BPI: variants seen among roughly 807,000 people sequenced by gnomAD.
The protein encoded by BPI is bactericidal permeability-increasing protein.
A neutral mutation model predicts 57.6 loss-of-function variants in BPI; 48 were observed. That is an observed-to-expected ratio of 0.83 (90% confidence interval 0.66 to 1.06). The LOEUF (loss-of-function observed/expected upper bound fraction) is 1.06. Among genes scored for constraint, BPI ranks in the 50% least tolerant of loss-of-function variants. The pLI is 0.00. For synonymous variants in BPI, 237 were observed against 238.2 expected (o/e 0.99, Z 0.05); for missense variants, 651 against 609.7 (o/e 1.07, Z -0.71).
In BPI at chr20:38,331,656, C is replaced by T. The variant is rs1333721663; in HGVS notation, c.1272+566C>T. Among the ~76,000 whole-genome samples the T allele has an allele frequency of 2.6e-5, 4 of 151,888 alleles. No individual in the cohort carries two copies. In the East Asian group the frequency reaches 5.8e-4, roughly 22 times the overall value. ...GTTAGGACTTCAAGACCAGCCTGGG[C>T]AACATAGCAAGACCTCATCTCTTAT... is the stretch of plus-strand genomic sequence containing the variant. On this transcript the variant is annotated intron_variant, in intron 12 of 14. Transcript: ENST00000642449.
At chr20:38,317,019 C>T (rs535939218) in intron 5 of BPI, among the ~76,000 whole-genome samples, 7 of 152,178 alleles carry the variant, frequency 4.6e-5, no homozygotes, top group Non-Finnish European at 8.8e-5. Context: ...AAGTGGAAGG[C>T]CTTGGTCACA....
chr20:38,326,431 T>C lies in BPI; in HGVS notation c.1160T>C (p.Met387Thr), dbSNP rs770649314. 9.9e-6 allele frequency: 16 copies of C among 1,612,596 alleles called. No individual in the cohort carries two copies. In the African/African-American group the frequency reaches 2.0e-4, roughly 20 times the overall value. Residue 387 changes from methionine (M) to threonine (T), a missense_variant and splice_region_variant, in exon 10 of 15, where the codon ATG becomes ACG. Physicochemically the swap from Met to Thr is moderately conservative, Grantham distance 81. Coordinates refer to ENST00000642449, the MANE Select transcript of BPI (RefSeq NM_001725.3). The part of the protein sequence containing the change: ...SSLASLFLIG[M>T]HTTGSMEVSA... ...CTGGCTTCCCTCTTCCTGATTGGCA[T>C]GGTAAGCAGTTCCTGGGTTGGACAG...
intron 10 of BPI, among the ~76,000 whole-genome samples, chr20:38,327,148 G>T (rs1185291420): frequency 1.3e-5 from 2 of 152,158 alleles, no homozygotes; most frequent in African/African-American, 4.8e-5. Flanking sequence ...GCCTTAGGCA[G>T]GTCTACTGGG....
chr20:38,304,386 C>T, intron 1 of BPI, 33 bp downstream of exon 1: 1 of 1,606,768 alleles, frequency 6.2e-7, no homozygotes, highest in Non-Finnish European at 8.5e-7. Flanking sequence ...TCCTCTCCAC[C>T]CCTGAGGAGC....
At chr20:38,317,543 C>T (rs183136341) in intron 5 of BPI, 45 of 658,406 alleles carry the variant, frequency 6.8e-5, no homozygotes, top group African/African-American at 5.8e-4. Context: ...TTGGGCTTCT[C>T]GTAGCATTGA....
intron 14 of BPI, among the ~76,000 whole-genome samples, chr20:38,336,873 G>A (rs1411783994): frequency 6.6e-6 from 1 of 152,136 alleles, no homozygotes; most frequent in Non-Finnish European, 1.5e-5. Context: ...CATGAGGCAG[G>A]GACGACAAAT....
At chr20:38,329,182 A>C (rs6014744) in intron 11 of BPI, among the ~76,000 whole-genome samples, 69,890 of 151,460 alleles carry the variant, frequency 0.46, 16,443 homozygotes, top group Middle Eastern at 0.51. Context: ...AAGGTAGAGA[A>C]AGAGGGAGAC....
At chr20:38,331,167 G>A in intron 12 of BPI, 77 bp downstream of exon 12, 3 of 1,496,970 alleles carry the variant, frequency 2.0e-6, no homozygotes, top group Non-Finnish European at 9.3e-7. Flanking sequence ...TAGGCTCAAG[G>A]CATTATTTAA....
Position 38,323,266 on chromosome 20 carries a change from G to A in BPI, c.757-604G>A, listed in dbSNP as rs926379510. On this transcript the variant is annotated intron_variant, in intron 7 of 14. Transcript: ENST00000642449. The stretch of plus-strand genomic sequence containing the variant: ...ATCCATCTATAATTTGGTTTTTTAA[G>A]CTCAACATTTATTTGCTAAATAAAT... 9.2e-5 allele frequency among the ~76,000 whole-genome samples: 14 copies of A among 152,112 alleles called. No homozygotes were observed. The East Asian group carries it at 2.3e-3, about 25-fold the overall frequency.
At chr20:38,313,978 T>C (rs2076635219) in intron 5 of BPI, among the ~76,000 whole-genome samples, 2 of 144,778 alleles carry the variant, frequency 1.4e-5, no homozygotes, top group Admixed American at 6.8e-5. Flanking sequence ...GATAGTGAGG[T>C]TGATGGTGAT....
chr20:38,332,173 G>A (rs1054993985), intron 12 of BPI, among the ~76,000 whole-genome samples: 1 of 152,224 alleles, frequency 6.6e-6, no homozygotes, highest in Non-Finnish European at 1.5e-5. Context: ...GGGTCTTCCG[G>A]GCTGAGCTAG....
At chr20:38,314,657 G>C (rs1285469414) in intron 5 of BPI, among the ~76,000 whole-genome samples, 4 of 146,444 alleles carry the variant, frequency 2.7e-5, no homozygotes, top group Non-Finnish European at 6.0e-5. Flanking sequence ...TGGTGGGGAT[G>C]ATGATAATGA....
At chr20:38,312,832 AG>A (rs1346884637) in intron 5 of BPI, among the ~76,000 whole-genome samples, 1 of 152,270 alleles carries the variant, frequency 6.6e-6, no homozygotes, top group East Asian at 1.9e-4. Flanking sequence ...AAGCTTAAAA[AG>A]CAAGAAGTCA....
chr20:38,314,037 G>A (rs1415154043), intron 5 of BPI, among the ~76,000 whole-genome samples: 1 of 150,972 alleles, frequency 6.6e-6, no homozygotes, highest in African/African-American at 2.5e-5. Flanking sequence ...TGAGGATGGT[G>A]ATGGTGATGG....
At position 38,324,833 on chromosome 20, in the gene BPI, G is replaced by A. The variant is rs1241299940; in HGVS notation, c.993G>A (p.Glu331=). Residue 331 remains glutamate, a splice_region_variant and synonymous_variant, in exon 9 of 15, where the codon GAG becomes GAA. Transcript: ENST00000642449. The part of the protein sequence containing the change: ...TTKFFGTFLP[E]VAKKFPNMKI... Reference sequence around the variant, plus strand: ...AGTTCTTTGGAACCTTCCTACCTGAGGTATGGAAGACCTTGCTTTCCTTTA... The same window carrying A: ...AGTTCTTTGGAACCTTCCTACCTGAAGTATGGAAGACCTTGCTTTCCTTTA... The A allele has an allele frequency of 2.5e-6, 4 of 1,611,100 alleles. No homozygotes were observed. In the African/African-American group the frequency reaches 4.0e-5, roughly 16 times the overall value.
chr20:38,314,341 T>A (rs915875525), intron 5 of BPI, among the ~76,000 whole-genome samples: 15 of 150,650 alleles, frequency 1.0e-4, no homozygotes, highest in African/African-American at 3.2e-4. Flanking sequence ...ATGATGATGG[T>A]GGTGATGGTA....
chr20:38,324,134 C>A, intron 8 of BPI, 88 bp downstream of exon 8: 2 of 1,452,066 alleles, frequency 1.4e-6, no homozygotes, highest in Non-Finnish European at 1.9e-6. Flanking sequence ...AAGCTTTTCT[C>A]ACATTGGGGT....
At position 38,337,483 on chromosome 20, in the gene BPI, A is replaced by G. The variant is rs1003750732; in HGVS notation, c.*299A>G. The stretch of plus-strand genomic sequence containing the variant: ...TTCCATTTGTGCTTCATGAAAAAAA[A>G]CTTCTGGTTTTTTTCATGTGGATTC... On this transcript the variant is annotated 3_prime_UTR_variant, in exon 15 of 15. Transcript: ENST00000642449. 3.2e-6 allele frequency: 1 copy of G among 315,206 alleles called. No individual in the cohort carries two copies. Among genetic ancestry groups the G allele is most frequent in the Non-Finnish European group, 5.7e-6 (1 of 175,322 alleles). 19.5% of individuals were successfully genotyped at this position (315,206 alleles called of 1,614,324 possible). A position where few individuals can be genotyped will look rare whatever the true frequency, so the allele number is the denominator to read the frequency against.
chr20:38,329,433 A>G (rs896302445), intron 11 of BPI, among the ~76,000 whole-genome samples: 11 of 152,246 alleles, frequency 7.2e-5, no homozygotes, highest in African/African-American at 2.7e-4. Context: ...TCCTGGCATC[A>G]TGTTGACAAG....
Sources: gnomAD v4.1 joint callset for allele counts (sites outside exome capture counted in the v4.1 genomes callset) on GRCh38, gnomAD v4.1.1 for gene constraint, MANE v1.5 for transcripts, NCBI Gene and HGNC (gene_info 2026-07-23, HGNC 2026-07-21) for gene names.